Variants in TBC1D5 observed in about 807,000 individuals in gnomAD.
TBC1D5 encodes the protein TBC1 domain family, member 5.
Under a neutral mutation model 100.3 loss-of-function variants are expected in TBC1D5, and 75 were observed. That is an observed-to-expected ratio of 0.75 (90% CI 0.62 to 0.91). TBC1D5 has a LOEUF of 0.91. Among genes scored for constraint, TBC1D5 ranks in the 40% least tolerant of loss-of-function variants. The pLI, the probability that TBC1D5 is intolerant of heterozygous loss-of-function variation, is 0.00. For missense variants in TBC1D5, 910 were observed against 942.4 expected (o/e 0.97, Z 0.45); for synonymous variants, 323 against 325.6 (o/e 0.99, Z 0.09).
intron 2 of TBC1D5, among the ~76,000 whole-genome samples, chr3:17,573,122 A>G (rs1341910535): frequency 6.6e-6 from 1 of 152,090 alleles, no homozygotes; most frequent in Non-Finnish European, 1.5e-5. Flanking sequence ...ATGTCCAAAC[A>G]GAAGTCATCC....
chr3:17,275,572 G>A (rs553268014), intron 15 of TBC1D5, among the ~76,000 whole-genome samples: 4 of 152,130 alleles, frequency 2.6e-5, no homozygotes, highest in South Asian at 2.1e-4. Flanking sequence ...CCAACCCCCC[G>A]TAACTAGGTG....
At chr3:17,453,079 T>TAA (rs570210975) in intron 3 of TBC1D5, among the ~76,000 whole-genome samples, 14 of 81,902 alleles carry the variant, frequency 1.7e-4, no homozygotes, top group South Asian at 7.5e-4. Flanking sequence ...AATGAAGAAA[T>TAA]AAAAAAAAAA....
At chr3:17,294,994 AAT>A (rs10545078) in intron 14 of TBC1D5, among the ~76,000 whole-genome samples, 59,409 of 151,920 alleles carry the variant, frequency 0.39, 12,304 homozygotes, top group Middle Eastern at 0.49. Context: ...ACTAATCTGT[AAT>A]AGTGTTCTTT....
chr3:17,566,908 G>A (rs1474450632), intron 2 of TBC1D5, among the ~76,000 whole-genome samples: 1 of 151,764 alleles, frequency 6.6e-6, no homozygotes, highest in Non-Finnish European at 1.5e-5. Context: ...TGGTAAACAA[G>A]AACCTAGTCC....
intron 2 of TBC1D5, among the ~76,000 whole-genome samples, chr3:17,623,180 C>G (rs1021012463): frequency 6.6e-6 from 1 of 152,040 alleles, no homozygotes; most frequent in Non-Finnish European, 1.5e-5. Context: ...TATGAATGAC[C>G]TAGAAATTTT....
chr3:17,581,094 G>A (rs2096692265), intron 2 of TBC1D5, among the ~76,000 whole-genome samples: 1 of 152,110 alleles, frequency 6.6e-6, no homozygotes, highest in Non-Finnish European at 1.5e-5. Flanking sequence ...CTGTTCTCGT[G>A]ATAGTGAGTA....
chr3:17,163,773 A>G (rs1213004166), intron 21 of TBC1D5, among the ~76,000 whole-genome samples: 1 of 152,248 alleles, frequency 6.6e-6, no homozygotes, highest in Non-Finnish European at 1.5e-5. Context: ...CCACAGGTGG[A>G]TACCAAACAC....
At chr3:17,717,986 G>A (rs539338724) in intron 1 of TBC1D5, among the ~76,000 whole-genome samples, 1 of 152,216 alleles carries the variant, frequency 6.6e-6, no homozygotes, top group South Asian at 2.1e-4. Flanking sequence ...AGAGAGTGCT[G>A]AAATGACAAG....
intron 3 of TBC1D5, among the ~76,000 whole-genome samples, chr3:17,436,189 A>G (rs1352525755): frequency 6.6e-6 from 1 of 152,226 alleles, no homozygotes; most frequent in Non-Finnish European, 1.5e-5. Context: ...CTAAGACTCT[A>G]CCATTTGTTT....
chr3:17,392,640 C>A (rs888599460), intron 8 of TBC1D5, among the ~76,000 whole-genome samples: 1 of 152,040 alleles, frequency 6.6e-6, no homozygotes, highest in East Asian at 1.9e-4. Flanking sequence ...CTGTGTTAGT[C>A]TGCTGAGAAT....
chr3:17,486,100 G>A (rs2095563683), intron 3 of TBC1D5, among the ~76,000 whole-genome samples: 2 of 152,174 alleles, frequency 1.3e-5, no homozygotes, highest in South Asian at 4.1e-4. Context: ...CAGTGATGAT[G>A]AGCATTTTTT....
intron 3 of TBC1D5, among the ~76,000 whole-genome samples, chr3:17,498,266 T>C (rs2095740502): frequency 6.6e-6 from 1 of 151,952 alleles, no homozygotes; most frequent in African/African-American, 2.4e-5. Context: ...ACTAGTATTG[T>C]ATGAAAAAAA....
chr3:17,292,476 T>C (rs1481064494), intron 14 of TBC1D5, among the ~76,000 whole-genome samples: 1 of 152,222 alleles, frequency 6.6e-6, no homozygotes, highest in Non-Finnish European at 1.5e-5. Flanking sequence ...AACTCAAAAT[T>C]TAAAAAAGTA....
intron 19 of TBC1D5, among the ~76,000 whole-genome samples, chr3:17,177,913 A>C (rs1169506733): frequency 6.6e-6 from 1 of 152,086 alleles, no homozygotes; most frequent in Non-Finnish European, 1.5e-5. Context: ...CTTTATCTCC[A>C]TGAGTTCAAT....
intron 2 of TBC1D5, among the ~76,000 whole-genome samples, chr3:17,601,096 A>G (rs1216974966): frequency 3.3e-5 from 5 of 152,220 alleles, no homozygotes; most frequent in African/African-American, 1.2e-4. Flanking sequence ...GGAAGGAAAA[A>G]TGCCTTGAAG....
At chr3:17,178,424 C>G (rs1007427985) in intron 19 of TBC1D5, among the ~76,000 whole-genome samples, 1 of 152,082 alleles carries the variant, frequency 6.6e-6, no homozygotes, top group African/African-American at 2.4e-5. Context: ...TTGATGGACA[C>G]TTAGGTTGCT....
chr3:17,451,035 G>C (rs2094913695), intron 3 of TBC1D5, among the ~76,000 whole-genome samples: 3 of 152,190 alleles, frequency 2.0e-5, no homozygotes, highest in Admixed American at 2.0e-4. Flanking sequence ...GGATCTCTCA[G>C]CAGAAGCCCT....
At chr3:17,250,329 CT>C (rs1183682952) in intron 16 of TBC1D5, among the ~76,000 whole-genome samples, 1 of 152,230 alleles carries the variant, frequency 6.6e-6, no homozygotes, top group African/African-American at 2.4e-5. Context: ...TCCTTATAGA[CT>C]ATTTTCCACA....
chr3:17,262,658 T>C (rs1287488395), intron 15 of TBC1D5, among the ~76,000 whole-genome samples: 1 of 151,802 alleles, frequency 6.6e-6, no homozygotes, highest in Non-Finnish European at 1.5e-5. Context: ...ATTTTTTGTA[T>C]TTTTAGTAGA....
Sources: gnomAD v4.1 joint callset for allele counts (sites outside exome capture counted in the v4.1 genomes callset) on GRCh38, gnomAD v4.1.1 for gene constraint, MANE v1.5 for transcripts, NCBI Gene and HGNC (gene_info 2026-07-23, HGNC 2026-07-21) for gene names.